SIGLEC5: variants seen among roughly 807,000 people sequenced by gnomAD.
SIGLEC5 encodes sialic acid binding Ig like lectin 5.
SIGLEC5 carries 34 observed loss-of-function variants against 45.9 expected under a neutral mutation model. The observed-to-expected ratio is 0.74, with a 90% CI of 0.56 to 0.99. The LOEUF (loss-of-function observed/expected upper bound fraction) is 0.99. SIGLEC5 is among the 50% of genes least tolerant of loss of function. The pLI, the probability that SIGLEC5 is intolerant of heterozygous loss-of-function variation, is 0.00. For synonymous variants in SIGLEC5, 203 were observed against 258.6 expected (o/e 0.79, Z 2.06); for missense variants, 508 against 629.6 (o/e 0.81, Z 2.07).
intron 8 of SIGLEC5, among the ~76,000 whole-genome samples, chr19:51,614,800 C>A (rs1982993126): frequency 6.6e-6 from 1 of 152,176 alleles, no homozygotes; most frequent in Non-Finnish European, 1.5e-5. Flanking sequence ...TGAAACCACC[C>A]AAATACCTCC....
At chr19:51,625,794 C>T (rs1983454589) in intron 8 of SIGLEC5, among the ~76,000 whole-genome samples, 1 of 152,184 alleles carries the variant, frequency 6.6e-6, no homozygotes, top group Non-Finnish European at 1.5e-5. Context: ...CGCACCATTG[C>T]ACTCCAGCCT....
intron 8 of SIGLEC5, among the ~76,000 whole-genome samples, chr19:51,623,633 G>T (rs1262735795): frequency 6.6e-6 from 1 of 152,208 alleles, no homozygotes; most frequent in African/African-American, 2.4e-5. Context: ...AAGTTGGAGA[G>T]ATTACAGAAC....
intron 8 of SIGLEC5, among the ~76,000 whole-genome samples, chr19:51,613,291 T>C (rs1254215581): frequency 6.6e-6 from 1 of 152,222 alleles, no homozygotes; most frequent in East Asian, 1.9e-4. Context: ...GCCAGATCTC[T>C]GGGGTTCCCA....
At chr19:51,618,646 C>G (rs1983163165) in intron 8 of SIGLEC5, among the ~76,000 whole-genome samples, 1 of 150,720 alleles carries the variant, frequency 6.6e-6, no homozygotes, top group Non-Finnish European at 1.5e-5. Context: ...ACAAAAATTA[C>G]CTGGGCATGG....
At chr19:51,629,174 C>G in intron 3 of SIGLEC5, 98 bp from the exon 4 acceptor site, 1 of 1,526,218 alleles carries the variant, frequency 6.6e-7, no homozygotes. Flanking sequence ...ACCCACCAAG[C>G]GGGGAAGGCT....
At position 51,612,437 on chromosome 19, in the gene SIGLEC5, A is replaced by G; in HGVS notation, c.1465-15T>C. 6.3e-7 allele frequency: 1 copy of G among 1,582,936 alleles called. No individual in the cohort carries two copies. The highest frequency in any genetic ancestry group is 8.6e-7 in the Non-Finnish European group (1 of 1,161,506). On this transcript the variant is annotated splice_polypyrimidine_tract_variant and intron_variant, in intron 8 of 8. Transcript: ENST00000683636. The stretch of plus-strand genomic sequence containing the variant: ...TTCCTGGAACCCTGAGTAAAGGGGA[A>G]GGAAAGGTGTCACAGTAGGAATAAA...
chr19:51,615,894 A>C (rs1009610402), intron 8 of SIGLEC5, among the ~76,000 whole-genome samples: 2 of 152,176 alleles, frequency 1.3e-5, no homozygotes, highest in Non-Finnish European at 2.9e-5. Context: ...CCCCTGCCTC[A>C]GCCTCCCGAG....
At chr19:51,617,217 T>G (rs1983100868) in intron 8 of SIGLEC5, among the ~76,000 whole-genome samples, 2 of 147,900 alleles carry the variant, frequency 1.4e-5, no homozygotes, top group African/African-American at 5.0e-5. Flanking sequence ...ATCGCGCCAC[T>G]GCACTCCAGC....
chr19:51,619,716 T>C (rs1983210972), intron 8 of SIGLEC5, among the ~76,000 whole-genome samples: 1 of 152,052 alleles, frequency 6.6e-6, no homozygotes, highest in African/African-American at 2.4e-5. Flanking sequence ...CTACGTTTTA[T>C]AGAGAATGAA....
chr19:51,612,353 A>G lies in SIGLEC5; in HGVS notation c.1534T>C (p.Leu512=). 6.2e-7 allele frequency: 1 copy of G among 1,613,502 alleles called. No individual in the cohort carries two copies. The highest frequency in any genetic ancestry group is 8.5e-7 in the Non-Finnish European group (1 of 1,179,794). The change falls in exon 9 of 9, where the codon TTG becomes CTG. Residue 512 remains leucine (L), a synonymous_variant. Coordinates refer to ENST00000683636, the MANE Select transcript of SIGLEC5 (RefSeq NM_003830.4). ...QASPPGDAPP[L]EEQKELHYAS... ...TAATGGAGCTCCTTTTGTTCTTCCA[A>G]GGGAGGGGCATCCCCAGGAGGAGAT... is the stretch of plus-strand genomic sequence containing the variant.
In SIGLEC5 at chr19:51,627,542, C is replaced by A. The variant is rs756460189; in HGVS notation, c.1202G>T (p.Gly401Val). 1 of 1,614,096 alleles carries A rather than the reference C, an allele frequency of 6.2e-7. No individual in the cohort carries two copies. The highest frequency in any genetic ancestry group is 8.5e-7 in the Non-Finnish European group (1 of 1,180,010). Reference protein sequence around the residue: ...WANSSLILHGGLSSDLKVSCK... With the variant: ...WANSSLILHGVLSSDLKVSCK... ...GCTGACTTTGAGGTCGGAGCTGAGC[C>A]CCCCGTGGAGGATCAGGGAGCTGTT... The change falls in exon 6 of 9, where the codon GGG (glycine) becomes GTG (valine). Residue 401 changes from glycine (G) to valine (V), a missense_variant. Physicochemically the swap from Gly to Val is moderately radical, Grantham distance 109. Transcript: ENST00000683636.
chr19:51,629,026 G>A lies in SIGLEC5; in HGVS notation c.739+12C>T, dbSNP rs780832039. ...AGGCAGGTCCCAGCTTCAGAGAGGA[G>A]GTCTTTCCTACCTATGCCGTTCCTG... On this transcript the variant is annotated intron_variant, in intron 4 of 8. Coordinates refer to ENST00000683636, the MANE Select transcript of SIGLEC5 (RefSeq NM_003830.4). 110 of 1,612,906 alleles carry A rather than the reference G, an allele frequency of 6.8e-5. No homozygotes were observed. The highest frequency in any genetic ancestry group is 9.2e-5 in the Non-Finnish European group (109 of 1,179,158).
rs1317892418 is a variant in SIGLEC5, at chr19:51,611,311, A to G, written c.*920T>C. ...GTTCTTTCTTCAGTCCACTCTTCCAACTCAAGACCACCCATTAACTCATGT... is the reference window on the plus strand; with the variant it reads ...GTTCTTTCTTCAGTCCACTCTTCCAGCTCAAGACCACCCATTAACTCATGT... On this transcript the variant is annotated 3_prime_UTR_variant, in exon 9 of 9. Transcript: ENST00000683636. Among the ~76,000 whole-genome samples, 1 of 152,326 alleles carries G rather than the reference A, an allele frequency of 6.6e-6. No homozygotes were observed. Among genetic ancestry groups the G allele is most frequent in the East Asian group, 1.9e-4 (1 of 5,188 alleles).
rs1982841627 is a variant in SIGLEC5 at position 51,611,308 on chromosome 19, C to T, written c.*923G>A. ...TAAGTTCTTTCTTCAGTCCACTCTT[C>T]CAACTCAAGACCACCCATTAACTCA... On this transcript the variant is annotated 3_prime_UTR_variant, in exon 9 of 9. Transcript: ENST00000683636. 1.3e-5 allele frequency among the ~76,000 whole-genome samples: 2 copies of T among 152,208 alleles called. No homozygotes were observed. The highest frequency in any genetic ancestry group is 4.8e-5 in the African/African-American group (2 of 41,438).
At chr19:51,616,480 T>C (rs552798297) in intron 8 of SIGLEC5, among the ~76,000 whole-genome samples, 1 of 152,116 alleles carries the variant, frequency 6.6e-6, no homozygotes, top group Admixed American at 6.5e-5. Flanking sequence ...GCCCAATGGA[T>C]GGGATGGAGA....
At chr19:51,614,398 T>A (rs1486630722) in intron 8 of SIGLEC5, among the ~76,000 whole-genome samples, 1 of 151,816 alleles carries the variant, frequency 6.6e-6, no homozygotes, top group Admixed American at 6.6e-5. Flanking sequence ...CCTTCCAGAG[T>A]GGTGGGATTA....
rs1218640059 is a variant in SIGLEC5 at position 51,627,113 on chromosome 19, A to G, written c.1382+36T>C. The G allele has an allele frequency of 1.9e-6, 3 of 1,547,476 alleles. No individual in the cohort carries two copies. In the African/African-American group the frequency reaches 4.1e-5, roughly 21 times the overall value. On this transcript the variant is annotated intron_variant, in intron 7 of 8. Coordinates refer to ENST00000683636, the MANE Select transcript of SIGLEC5 (RefSeq NM_003830.4). ...ATTCAGTCTCTCCTACTCCCTACAA[A>G]CACCACCCTGTACCTTCCCTGGGAC... is the stretch of plus-strand genomic sequence containing the variant.
At chr19:51,628,215 T>C in intron 4 of SIGLEC5, 124 bp from the exon 5 acceptor site, 4 of 1,114,784 alleles carry the variant, frequency 3.6e-6, no homozygotes, top group African/African-American at 3.2e-5. Context: ...GCTGGCTTGA[T>C]TGCATCCTGG....
chr19:51,626,227 A>G (rs1983475275), intron 7 of SIGLEC5, 114 bp from the exon 8 acceptor site: 3 of 791,412 alleles, frequency 3.8e-6, no homozygotes. Context: ...AGGCCCCGGA[A>G]CTAAACTCGG....
Sources: gnomAD v4.1 joint callset for allele counts (sites outside exome capture counted in the v4.1 genomes callset) on GRCh38, gnomAD v4.1.1 for gene constraint, MANE v1.5 for transcripts, NCBI Gene and HGNC (gene_info 2026-07-23, HGNC 2026-07-21) for gene names.